The following TTLL4 variants were observed in gnomAD, a reference collection of about 807,000 sequenced individuals.
The protein encoded by TTLL4 is tubulin tyrosine ligase like 4, also known as tubulin monoglutamylase TTLL4.
Under a neutral mutation model 122.7 loss-of-function variants are expected in TTLL4, and 85 were observed. The observed-to-expected ratio is 0.69, with a 90% CI of 0.58 to 0.83. TTLL4 has a LOEUF of 0.83. TTLL4 is among the 40% of genes least tolerant of loss of function. TTLL4 has a pLI of 0.00. For missense variants in TTLL4, 1,363 were observed against 1,488.6 expected (o/e 0.92, Z 1.39); for synonymous variants, 553 against 563.0 (o/e 0.98, Z 0.25).
chr2:218,713,201 G>A (rs978721742), intron 1 of TTLL4, among the ~76,000 whole-genome samples: 2 of 152,022 alleles, frequency 1.3e-5, no homozygotes, highest in East Asian at 1.9e-4. Flanking sequence ...GCAACATGGC[G>A]AAACCTCTTC....
intron 5 of TTLL4, among the ~76,000 whole-genome samples, chr2:218,741,296 A>G (rs1236538075): frequency 1.3e-5 from 2 of 152,206 alleles, no homozygotes; most frequent in African/African-American, 4.8e-5. Context: ...AAGTGCTCGG[A>G]TTATAGGGCT....
rs953781965 is a variant in TTLL4, at chr2:218,754,378, G to A, written c.3589G>A (p.Val1197Met). Residue 1197 changes from valine (V) to methionine (M), a missense_variant, in exon 20 of 20, where the codon GTG (valine) becomes ATG (methionine). Val to Met is a conservative substitution (Grantham distance 21). Around this residue, in one of 3 missense-constraint regions of TTLL4, gnomAD observed 596 missense variants for 655.8 expected, o/e 0.91. Transcript: ENST00000392102. Reference protein sequence around the residue: ...FQSISDSLLAVSP With the variant: ...FQSISDSLLAMSP ...GTCAATCAGTGACTCCCTCCTGGCT[G>A]TGAGCCCATAACTGGCCTCTCTCCA... The A allele has an allele frequency of 1.1e-5, 18 of 1,614,174 alleles. No homozygotes were observed. The highest frequency in any genetic ancestry group is 1.3e-5 in the Non-Finnish European group (15 of 1,180,036).
At chr2:218,746,806 G>A in intron 8 of TTLL4, 197 bp from the exon 9 acceptor site, 1 of 609,374 alleles carries the variant, frequency 1.6e-6, no homozygotes, top group Admixed American at 3.1e-5. Flanking sequence ...ACATTACTCT[G>A]TTTTGTCTGT....
intron 7 of TTLL4, 44 bp downstream of exon 7, chr2:218,745,845 T>A: frequency 6.5e-7 from 1 of 1,544,598 alleles, no homozygotes; most frequent in Non-Finnish European, 8.9e-7. Context: ...TTGCCCCAAA[T>A]AGATGGGCTT....
At chr2:218,734,216 G>A (rs1559364173) in intron 2 of TTLL4, among the ~76,000 whole-genome samples, 1 of 151,914 alleles carries the variant, frequency 6.6e-6, no homozygotes, top group East Asian at 1.9e-4. Flanking sequence ...TGAATGTAAG[G>A]TTTTTTTTAG....
At chr2:218,735,290 A>G (rs565688270) in intron 2 of TTLL4, among the ~76,000 whole-genome samples, 2 of 152,284 alleles carry the variant, frequency 1.3e-5, no homozygotes, top group South Asian at 2.1e-4. Flanking sequence ...GGCTGGGTTC[A>G]GTGGCTCAGG....
At chr2:218,751,042 T>C (rs1474876414) in intron 15 of TTLL4, among the ~76,000 whole-genome samples, 1 of 152,168 alleles carries the variant, frequency 6.6e-6, no homozygotes, top group Non-Finnish European at 1.5e-5. Context: ...AAACTGAAGC[T>C]CTTTGGGATT....
chr2:218,740,576 G>A lies in TTLL4; in HGVS notation c.1653G>A (p.Met551Ile). ...SAVSPSESVA[M>I]ISRSCMEILT... ...TCTCCCCCAGCGAATCGGTGGCCAT[G>A]ATCTCTAGGTAAGTGTGGCTGTATA... is the stretch of plus-strand genomic sequence containing the variant. The change falls in exon 5 of 20, where the codon ATG (methionine) becomes ATA (isoleucine). Residue 551 changes from methionine (M) to isoleucine (I), a missense_variant. This residue lies in a region of TTLL4 where 760 missense variants were observed against 808.4 expected (regional missense o/e 0.94). Transcript: ENST00000392102. The A allele has an allele frequency of 6.2e-7, 1 of 1,614,188 alleles. No individual in the cohort carries two copies. Among genetic ancestry groups the A allele is most frequent in the Non-Finnish European group, 8.5e-7 (1 of 1,180,024 alleles).
downstream of TTLL4, among the ~76,000 whole-genome samples, chr2:218,759,199 C>T (rs375559688): frequency 3.3e-5 from 5 of 152,104 alleles, no homozygotes; most frequent in South Asian, 4.2e-4. Context: ...GAGCCGAGAT[C>T]GCCCCATTGC....
At position 218,750,095 on chromosome 2, in the gene TTLL4, A is replaced by G. The variant is rs1392197632; in HGVS notation, c.2822A>G (p.Asn941Ser). 3.7e-6 allele frequency: 6 copies of G among 1,613,974 alleles called. No homozygotes were observed. The highest frequency in any genetic ancestry group is 2.2e-5 in the East Asian group (1 of 44,892). Residue 941 changes from asparagine (N) to serine (S), a missense_variant, in exon 15 of 20, where the codon AAT becomes AGT. Transcript: ENST00000392102. ...AATCTGGCAGGTTTTGTCCTGCCCA[A>G]TGCAGAGGATATCATTTCCAGCCCC... Reference protein sequence around the residue: ...LLNLAGFVLPNAEDIISSPSS... With the variant: ...LLNLAGFVLPSAEDIISSPSS...
chr2:218,730,311 C>CAAAAAAAAAAAAAA (rs548186206), intron 2 of TTLL4, among the ~76,000 whole-genome samples: 206 of 14,296 alleles, frequency 0.014, 67 homozygotes, highest in East Asian at 0.03. Flanking sequence ...ACTAAAAATC[C>CAAAAAAAAAAAAAA]AAAAAAAAAA....
chr2:218,714,358 A>G (rs1174138179), intron 1 of TTLL4, among the ~76,000 whole-genome samples: 2 of 152,208 alleles, frequency 1.3e-5, no homozygotes, highest in African/African-American at 2.4e-5. Context: ...TCTGATACTC[A>G]TGTTTTGGAG....
intron 18 of TTLL4, 164 bp downstream of exon 18, chr2:218,753,349 A>T: frequency 1.1e-6 from 1 of 901,352 alleles, no homozygotes. Context: ...AGTTGCCTCC[A>T]GGATTCCCTG....
rs758358692 is a variant in TTLL4 at position 218,739,163 on chromosome 2, G to A, written c.1487G>A (p.Ser496Asn). ...CTGGACTCATCTGATAGGGATATTA[G>A]GTATGTTGGCAATGTTTTTGGTTCA... ...RELDSSDRDISSATDLQPDQA... is the reference protein window; with the variant it reads ...RELDSSDRDINSATDLQPDQA... Residue 496 changes from serine (S) to asparagine (N), a missense_variant and splice_region_variant, in exon 3 of 20, where the codon AGT becomes AAT. This residue lies in a region of TTLL4 where 760 missense variants were observed against 808.4 expected (regional missense o/e 0.94). Coordinates refer to ENST00000392102, the MANE Select transcript of TTLL4 (RefSeq NM_014640.5). 2 of 1,607,638 alleles carry A rather than the reference G, an allele frequency of 1.2e-6. No individual in the cohort carries two copies. Among genetic ancestry groups the A allele is most frequent in the Non-Finnish European group, 1.7e-6 (2 of 1,178,096 alleles).
At chr2:218,746,966 T>C (rs900751752) in intron 8 of TTLL4, 37 bp from the exon 9 acceptor site, 1 of 1,602,356 alleles carries the variant, frequency 6.2e-7, no homozygotes, top group African/African-American at 1.3e-5. Context: ...GCCTCACCTC[T>C]GCCCTCTTCC....
At chr2:218,748,701 C>A in intron 12 of TTLL4, 135 bp from the exon 13 acceptor site, 12 of 558,436 alleles carry the variant, frequency 2.1e-5, no homozygotes, top group East Asian at 7.2e-5. Context: ...CATCCAAGTT[C>A]ATCTCTTTCA....
chr2:218,753,739 C>G, intron 19 of TTLL4, 70 bp downstream of exon 19: 2 of 1,531,504 alleles, frequency 1.3e-6, no homozygotes, highest in East Asian at 2.2e-5. Context: ...TTCCCCTCTT[C>G]CCAGACTGTG....
intron 2 of TTLL4, among the ~76,000 whole-genome samples, chr2:218,735,364 C>G (rs1942488048): frequency 6.6e-6 from 1 of 152,010 alleles, no homozygotes; most frequent in African/African-American, 2.4e-5. Flanking sequence ...GAGTCGAGAC[C>G]AGCCTGGGCA....
intron 1 of TTLL4, among the ~76,000 whole-genome samples, chr2:218,712,838 T>G (rs1018513189): frequency 3.3e-5 from 5 of 152,148 alleles, no homozygotes; most frequent in Admixed American, 6.6e-5. Flanking sequence ...TTGGAAATAT[T>G]TATTTTCAGG....
Sources: gnomAD v4.1 joint callset for allele counts (sites outside exome capture counted in the v4.1 genomes callset) on GRCh38, gnomAD v4.1.1 for gene constraint, gnomAD v4.1.1 regional missense constraint, MANE v1.5 for transcripts, NCBI Gene and HGNC (gene_info 2026-07-23, HGNC 2026-07-21) for gene names.